NUDCD1: variants seen among roughly 807,000 people sequenced by gnomAD.
NUDCD1 encodes the protein nudC domain-containing protein 1.
Under a neutral mutation model 67.8 loss-of-function variants are expected in NUDCD1, and 60 were observed. That is an observed-to-expected ratio of 0.88 (90% CI 0.72 to 1.10). The LOEUF is 1.10. Among genes scored for constraint, NUDCD1 ranks in the 50% least tolerant of loss-of-function variants. The probability of loss-of-function intolerance (pLI) is 0.00; values close to 1 mark genes in which losing one functional copy is unlikely to be tolerated. For synonymous variants in NUDCD1, 244 were observed against 230.8 expected (o/e 1.06, Z -0.52); for missense variants, 643 against 695.0 (o/e 0.93, Z 0.84).
intron 6 of NUDCD1, 143 bp from the exon 7 acceptor site, chr8:109,275,639 T>C: frequency 1.5e-6 from 1 of 677,250 alleles, no homozygotes; most frequent in Non-Finnish European, 2.4e-6. Flanking sequence ...TCTTGCTCAT[T>C]TAAGTTTTGC....
intron 6 of NUDCD1, among the ~76,000 whole-genome samples, chr8:109,276,347 G>A (rs937805341): frequency 1.3e-5 from 2 of 152,158 alleles, no homozygotes; most frequent in African/African-American, 2.4e-5. Context: ...TAACAGAAAA[G>A]GGGAGTGGTA....
chr8:109,332,817 C>T (rs1815841595), intron 1 of NUDCD1, among the ~76,000 whole-genome samples: 1 of 152,178 alleles, frequency 6.6e-6, no homozygotes, highest in South Asian at 2.1e-4. Context: ...AGCTTATCCT[C>T]TCTCATCCTA....
chr8:109,254,925 T>C (rs1401525325), intron 8 of NUDCD1, among the ~76,000 whole-genome samples: 1 of 152,186 alleles, frequency 6.6e-6, no homozygotes, highest in African/African-American at 2.4e-5. Context: ...TTTACTGTGT[T>C]CTTACTATGC....
chr8:109,279,087 T>C (rs1181596692), intron 6 of NUDCD1, among the ~76,000 whole-genome samples: 2 of 152,156 alleles, frequency 1.3e-5, no homozygotes, highest in Non-Finnish European at 2.9e-5. Context: ...AGACCCTGTC[T>C]CAGAAAAACA....
intron 6 of NUDCD1, among the ~76,000 whole-genome samples, chr8:109,278,486 T>C (rs1422830631): frequency 6.6e-6 from 1 of 152,200 alleles, no homozygotes; most frequent in African/African-American, 2.4e-5. Context: ...GACAAATGCA[T>C]ACACCTTTGT....
At chr8:109,313,522 T>G (rs571686457) in intron 2 of NUDCD1, among the ~76,000 whole-genome samples, 2 of 152,218 alleles carry the variant, frequency 1.3e-5, no homozygotes, top group East Asian at 3.9e-4. Flanking sequence ...ATGAGAAAAT[T>G]TTCCCCTTTT....
intron 1 of NUDCD1, among the ~76,000 whole-genome samples, chr8:109,323,368 A>T (rs1815586847): frequency 6.6e-6 from 1 of 152,202 alleles, no homozygotes; most frequent in Non-Finnish European, 1.5e-5. Flanking sequence ...AACTAATATA[A>T]ATTTAAAAAT....
chr8:109,246,723 C>G (rs148245077), intron 8 of NUDCD1, among the ~76,000 whole-genome samples: 2 of 146,058 alleles, frequency 1.4e-5, no homozygotes, highest in Admixed American at 1.3e-4. Context: ...AGAATACCAA[C>G]AAAAATCACA....
intron 3 of NUDCD1, 40 bp downstream of exon 3, chr8:109,296,344 T>C (rs561043156): frequency 6.6e-7 from 1 of 1,519,136 alleles, no homozygotes; most frequent in African/African-American, 1.4e-5. Flanking sequence ...AATTTACATA[T>C]ACTTTCTGGA....
intron 8 of NUDCD1, among the ~76,000 whole-genome samples, chr8:109,246,708 G>A (rs897605760): frequency 3.3e-5 from 5 of 151,864 alleles, no homozygotes; most frequent in South Asian, 4.2e-4. Context: ...TTGAAAATAC[G>A]AAACAGAATA....
At chr8:109,258,719 A>T (rs1000133580) in intron 8 of NUDCD1, among the ~76,000 whole-genome samples, 3 of 152,170 alleles carry the variant, frequency 2.0e-5, no homozygotes, top group African/African-American at 4.8e-5. Context: ...TCAGTTAAGC[A>T]TTTCATTACT....
chr8:109,285,247 G>A (rs990080922), intron 5 of NUDCD1, among the ~76,000 whole-genome samples: 2 of 151,376 alleles, frequency 1.3e-5, no homozygotes, highest in South Asian at 2.1e-4. Context: ...AGGAAAAGCC[G>A]GTACCAATTC....
At chr8:109,333,386 A>G (rs568869207) in intron 1 of NUDCD1, among the ~76,000 whole-genome samples, 41 of 152,338 alleles carry the variant, frequency 2.7e-4, no homozygotes, top group Non-Finnish European at 4.3e-4. Flanking sequence ...GTTCTCTACC[A>G]GAGTTCTTAA....
At chr8:109,291,402 C>G (rs1814708466) in intron 4 of NUDCD1, among the ~76,000 whole-genome samples, 1 of 152,174 alleles carries the variant, frequency 6.6e-6, no homozygotes, top group South Asian at 2.1e-4. Context: ...GCTTTGACCT[C>G]CCAAAGTGCT....
intron 1 of NUDCD1, among the ~76,000 whole-genome samples, chr8:109,327,042 G>A (rs143572703): frequency 1.7e-4 from 26 of 152,248 alleles, no homozygotes; most frequent in East Asian, 7.7e-4. Flanking sequence ...TTTAAAGAGG[G>A]GGAAGAGAGA....
At chr8:109,308,963 G>A (rs1221819222) in intron 2 of NUDCD1, among the ~76,000 whole-genome samples, 2 of 116,934 alleles carry the variant, frequency 1.7e-5, no homozygotes, top group Non-Finnish European at 3.3e-5. Context: ...CAGAGCAAGA[G>A]TCCATCTCAA....
intron 2 of NUDCD1, among the ~76,000 whole-genome samples, chr8:109,309,890 C>CA (rs967728885): frequency 6.0e-5 from 9 of 149,784 alleles, no homozygotes; most frequent in African/African-American, 9.8e-5. Flanking sequence ...AACAAACAAA[C>CA]AAAAAAAACC....
At chr8:109,302,275 T>G (rs1278112693) in intron 2 of NUDCD1, among the ~76,000 whole-genome samples, 1 of 152,178 alleles carries the variant, frequency 6.6e-6, no homozygotes, top group Non-Finnish European at 1.5e-5. Context: ...TAGATAATTC[T>G]TCTCATAAAA....
intron 1 of NUDCD1, among the ~76,000 whole-genome samples, chr8:109,326,318 C>A (rs1365137701): frequency 6.6e-6 from 1 of 152,158 alleles, no homozygotes; most frequent in East Asian, 1.9e-4. Context: ...AAAAGGACAC[C>A]TCTCTGGCCT....
Sources: gnomAD v4.1 joint callset for allele counts (sites outside exome capture counted in the v4.1 genomes callset) on GRCh38, gnomAD v4.1.1 for gene constraint, MANE v1.5 for transcripts, NCBI Gene and HGNC (gene_info 2026-07-23, HGNC 2026-07-21) for gene names.